Variants in SATB1 observed in about 807,000 individuals in gnomAD.
SATB1 encodes SATB homeobox 1.
A neutral mutation model predicts 86.9 loss-of-function variants in SATB1; 11 were observed. That is an observed-to-expected ratio of 0.13 (90% confidence interval 0.08 to 0.21). The LOEUF is 0.21. SATB1 is among the 10% of genes least tolerant of loss of function. SATB1 has a pLI of 1.00. For missense variants in SATB1, 551 were observed against 937.6 expected (o/e 0.59, Z 5.39); for synonymous variants, 357 against 357.2 (o/e 1.00, Z 0.01).
chr3:18,366,074 A>G (rs911025009), intron 9 of SATB1, among the ~76,000 whole-genome samples: 4 of 152,160 alleles, frequency 2.6e-5, no homozygotes, highest in African/African-American at 9.7e-5. Context: ...TTAAACAACC[A>G]AATACTTCAT....
intron 9 of SATB1, among the ~76,000 whole-genome samples, chr3:18,375,310 T>C (rs1695687963): frequency 6.6e-6 from 1 of 152,066 alleles, no homozygotes. Flanking sequence ...AGTAAGAAAA[T>C]AATAGCTCAC....
chr3:18,355,503 G>A (rs1415813593), intron 9 of SATB1, among the ~76,000 whole-genome samples: 1 of 151,978 alleles, frequency 6.6e-6, no homozygotes, highest in Non-Finnish European at 1.5e-5. Flanking sequence ...AACTTGGGAA[G>A]AAAATGAATA....
intron 7 of SATB1, among the ~76,000 whole-genome samples, chr3:18,390,906 A>G (rs2125107855): frequency 6.6e-6 from 1 of 152,274 alleles, no homozygotes; most frequent in East Asian, 1.9e-4. Flanking sequence ...GTGAATTGAA[A>G]AGTAGAAATC....
upstream of SATB1, among the ~76,000 whole-genome samples, chr3:18,429,849 G>A (rs999779781): frequency 6.6e-6 from 1 of 152,150 alleles, no homozygotes; most frequent in Non-Finnish European, 1.5e-5. This position sits in a 1 kb window ranked among gnomAD's most constrained non-coding sequence, Gnocchi z 4.1. Context: ...TATGAGAGCA[G>A]AGACTGGGTG....
At chr3:18,401,497 C>T (rs577834711) in intron 5 of SATB1, among the ~76,000 whole-genome samples, 17 of 152,204 alleles carry the variant, frequency 1.1e-4, no homozygotes, top group Middle Eastern at 3.4e-3. Context: ...TTTATATAAG[C>T]TATCCAAAGC....
intron 7 of SATB1, among the ~76,000 whole-genome samples, chr3:18,388,963 T>C (rs1696488782): frequency 6.6e-6 from 1 of 152,160 alleles, no homozygotes; most frequent in African/African-American, 2.4e-5. Flanking sequence ...CAAGTCTTGC[T>C]AACATATAAG....
At chr3:18,417,720 AC>A (rs1357728022) in intron 2 of SATB1, 4 of 694,086 alleles carry the variant, frequency 5.8e-6, no homozygotes, top group African/African-American at 1.8e-5. Context: ...TAGAAAAATA[AC>A]ATTTGCTTTT....
chr3:18,349,671 C>A lies in SATB1; in HGVS notation c.1791G>T (p.Gln597His). 1 of 1,605,308 alleles carries A rather than the reference C, an allele frequency of 6.2e-7. No individual in the cohort carries two copies. ...VPAEQIQQQQ[Q>H]QQQQQQQQQQ... ...GCTGCTGCTGCTGCTGTTGCTGTTGCTGCTGCTGTTGCTGCAAAGAAACAA... is the reference window on the plus strand; with the variant it reads ...GCTGCTGCTGCTGCTGTTGCTGTTGATGCTGCTGTTGCTGCAAAGAAACAA... The change falls in exon 11 of 11, where the codon CAG (glutamine) becomes CAT (histidine). Residue 597 changes from glutamine to histidine, a missense_variant. By Grantham distance (24) the Gln-to-His change is conservative. Transcript: ENST00000338745. This position sits in a 1 kb window ranked among gnomAD's most constrained non-coding sequence, Gnocchi z 5.5.
chr3:18,395,906 G>A (rs1189610781), intron 6 of SATB1, among the ~76,000 whole-genome samples: 1 of 152,228 alleles, frequency 6.6e-6, no homozygotes, highest in Non-Finnish European at 1.5e-5. Flanking sequence ...GCATGAAGCT[G>A]TACATAAACA....
At chr3:18,437,463 GT>G (rs1699102197) in intron 1 of SATB1, among the ~76,000 whole-genome samples, 1 of 152,106 alleles carries the variant, frequency 6.6e-6, no homozygotes, top group African/African-American at 2.4e-5. Context: ...CCGCTTGTAT[GT>G]TAAGAGTATA....
rs146194037 is a variant in SATB1, at chr3:18,373,143, G to A, written c.1575+5027C>T. ...TAGATGGAGAACATGTAAAGGGGCAGTTCTCTCTTTAGAAAGTGAATGAAG... is the reference window on the plus strand; with the variant it reads ...TAGATGGAGAACATGTAAAGGGGCAATTCTCTCTTTAGAAAGTGAATGAAG... On this transcript the variant is annotated intron_variant, in intron 9 of 10. Transcript: ENST00000338745. 1.2e-3 allele frequency among the ~76,000 whole-genome samples: 184 copies of A among 152,340 alleles called. 1 individual carries two copies. Among genetic ancestry groups the A allele is most frequent in the African/African-American group, 4.3e-3 (178 of 41,588 alleles).
At position 18,436,734 on chromosome 3, in the gene SATB1, A is replaced by G. The variant is rs545277799; in HGVS notation, c.-25+55T>C. ...ATGCTAACTATGAACTTTCTGTTTT[A>G]TATAACACAGACATACCTTATTACT... On this transcript the variant is annotated intron_variant, in intron 2 of 3. Coordinates refer to the SATB1 transcript ENST00000414509. The G allele has an allele frequency of 8.5e-5, 13 of 152,346 alleles. No homozygotes were observed. In the East Asian group the frequency reaches 2.5e-3, roughly 29 times the overall value. The allele number at this position is 152,346 out of a possible 1,614,324, so 9.4% of individuals were successfully genotyped here.
rs530068288 is a variant in SATB1 at position 18,415,711 on chromosome 3, T to C, written c.515+296A>G. Among the ~76,000 whole-genome samples, 2 of 152,270 alleles carry C rather than the reference T, an allele frequency of 1.3e-5. 1 individual carries two copies. The highest frequency in any genetic ancestry group is 4.1e-4 in the South Asian group (2 of 4,832). On this transcript the variant is annotated intron_variant, in intron 4 of 10. Coordinates refer to ENST00000338745, the MANE Select transcript of SATB1 (RefSeq NM_002971.6). Reference sequence around the variant, plus strand: ...AAATATTTTTTTCTTAAGTAAACTTTATGTAAAATGCCTTCTTGTGATGCA... The same window carrying C: ...AAATATTTTTTTCTTAAGTAAACTTCATGTAAAATGCCTTCTTGTGATGCA...
chr3:18,431,358 C>T (rs2125194971), intron 2 of SATB1, among the ~76,000 whole-genome samples: 1 of 152,328 alleles, frequency 6.6e-6, no homozygotes, highest in Admixed American at 6.5e-5. Context: ...ATCACACTGC[C>T]TGAATGCAAT....
At chr3:18,427,744 G>T (rs931764511), upstream of SATB1, among the ~76,000 whole-genome samples, 1 of 152,124 alleles carries the variant, frequency 6.6e-6, no homozygotes. Flanking sequence ...ATGAAAGTAT[G>T]TAATAAGGAC....
chr3:18,427,335 T>A (rs898935904), upstream of SATB1, among the ~76,000 whole-genome samples: 1 of 152,170 alleles, frequency 6.6e-6, no homozygotes, highest in Admixed American at 6.5e-5. Flanking sequence ...TAGTGCCTTG[T>A]TGTACAAATT....
At chr3:18,422,891 A>C (rs898753774) in intron 1 of SATB1, among the ~76,000 whole-genome samples, 2 of 152,352 alleles carry the variant, frequency 1.3e-5, no homozygotes, top group African/African-American at 2.4e-5. Context: ...AAAGTGATAC[A>C]TTATAATTTA....
chr3:18,396,658 T>C (rs1035853496), intron 6 of SATB1, among the ~76,000 whole-genome samples: 9 of 152,168 alleles, frequency 5.9e-5, no homozygotes, highest in African/African-American at 1.9e-4. Flanking sequence ...TGTTCTGGTA[T>C]GGATGGTAAA....
Position 18,417,134 on chromosome 3 carries a change from C to T in SATB1, c.212-56G>A. The T allele has an allele frequency of 7.1e-6, 11 of 1,556,900 alleles. No homozygotes were observed. The South Asian group carries it at 8.0e-5, about 11-fold the overall frequency. ...AAACCAACAATCTTCAGAAATACAG[C>T]TTGGGGGTGGCGGGAGGAAATATTA... is the stretch of plus-strand genomic sequence containing the variant. On this transcript the variant is annotated intron_variant, in intron 2 of 10. Transcript: ENST00000338745.
Sources: allele counts gnomAD v4.1 joint callset (sites outside exome capture counted in the v4.1 genomes callset), GRCh38; gene constraint gnomAD v4.1.1; non-coding constraint Gnocchi (gnomAD v3.1); transcripts MANE v1.5; gene names NCBI Gene and HGNC (gene_info 2026-07-23, HGNC 2026-07-21).